Variants in CDH8 observed in about 807,000 individuals in gnomAD.
The protein encoded by CDH8 is cadherin 8, also known as cadherin-8.
In CDH8, 17 loss-of-function variants were observed where a neutral mutation model predicts 68.1. That is an observed-to-expected ratio of 0.25 (90% CI 0.17 to 0.37). The LOEUF is 0.37. CDH8 is among the 10% of genes least tolerant of loss of function. The probability of loss-of-function intolerance (pLI) is 1.00; values close to 1 mark genes in which losing one functional copy is unlikely to be tolerated. For missense variants in CDH8, 763 were observed against 999.3 expected, an observed-to-expected ratio of 0.76 and a Z score of 3.19; for synonymous variants, 372 against 365.1, an observed-to-expected ratio of 1.02 and a Z score of -0.21.
At chr16:61,687,950 AAGT>A (rs1294429889) in intron 10 of CDH8, among the ~76,000 whole-genome samples, 1 of 152,056 alleles carries the variant, frequency 6.6e-6, no homozygotes, top group Non-Finnish European at 1.5e-5. Context: ...AAGGTGAGGA[AAGT>A]CATCAGCATC....
intron 10 of CDH8, 150 bp from the exon 11 acceptor site, chr16:61,655,871 C>CA (rs1306777408): frequency 4.7e-6 from 3 of 637,958 alleles, no homozygotes; most frequent in Non-Finnish European, 7.8e-6. Flanking sequence ...CTCGTCTCCG[C>CA]ACTTTTTTTT....
At chr16:62,015,604 A>C (rs1901920198) in intron 2 of CDH8, among the ~76,000 whole-genome samples, 3 of 152,158 alleles carry the variant, frequency 2.0e-5, no homozygotes, top group Admixed American at 2.0e-4. Flanking sequence ...GACACAAGAG[A>C]CTTTAAGCCT....
chr16:61,802,075 C>T (rs557085193), intron 7 of CDH8, among the ~76,000 whole-genome samples: 1,684 of 143,240 alleles, frequency 0.012, 8 homozygotes, highest in Middle Eastern at 0.014. Flanking sequence ...TGTCTGACAG[C>T]TTTGAAGAGA....
chr16:61,997,782 AC>A (rs1385203072), intron 2 of CDH8, among the ~76,000 whole-genome samples: 9 of 152,286 alleles, frequency 5.9e-5, no homozygotes, highest in Middle Eastern at 3.4e-3. Flanking sequence ...AAAACGCCTA[AC>A]TTGTAGTACT....
chr16:61,647,597 C>A lies in CDH8; in HGVS notation c.*6011G>T. 1 of 542,014 alleles carries A rather than the reference C, an allele frequency of 1.8e-6. No homozygotes were observed. The highest frequency in any genetic ancestry group is 3.3e-6 in the Non-Finnish European group (1 of 305,772). 33.6% of individuals were successfully genotyped at this position (542,014 alleles called of 1,614,324 possible). ...GTTCTTTGCATGTACAGAAGAAATC[C>A]CAAGAAATTAACATTTGGCTTTGGG... is the stretch of plus-strand genomic sequence containing the variant. On this transcript the variant is annotated 3_prime_UTR_variant, in exon 12 of 12. Coordinates refer to ENST00000577390, the MANE Select transcript of CDH8 (RefSeq NM_001796.5).
intron 2 of CDH8, among the ~76,000 whole-genome samples, chr16:61,996,598 T>C (rs959627497): frequency 6.6e-6 from 1 of 152,144 alleles, no homozygotes; most frequent in Non-Finnish European, 1.5e-5. Flanking sequence ...GATAAGATGG[T>C]CACCAAGAAA....
chr16:61,950,550 G>A (rs955774429), intron 2 of CDH8, among the ~76,000 whole-genome samples: 6 of 152,220 alleles, frequency 3.9e-5, no homozygotes, highest in Middle Eastern at 3.4e-3. Flanking sequence ...AAAGAACTAC[G>A]GTGTCAAGAT....
intron 2 of CDH8, among the ~76,000 whole-genome samples, chr16:61,972,189 C>G (rs1309987582): frequency 1.3e-5 from 2 of 152,096 alleles, no homozygotes; most frequent in African/African-American, 4.8e-5. Context: ...TGCCTGCCAC[C>G]ATGTAAGATG....
At chr16:61,954,467 C>T (rs780132791) in intron 2 of CDH8, among the ~76,000 whole-genome samples, 5 of 151,812 alleles carry the variant, frequency 3.3e-5, no homozygotes, top group East Asian at 3.9e-4. Context: ...TTTGGGAGGC[C>T]GAGGCGGGTG....
At chr16:61,792,132 GT>G (rs1466387781) in intron 7 of CDH8, among the ~76,000 whole-genome samples, 1 of 151,938 alleles carries the variant, frequency 6.6e-6, no homozygotes, top group Non-Finnish European at 1.5e-5. Flanking sequence ...TTAAAAAAAT[GT>G]GTGTTATTTA....
At chr16:61,678,697 C>CA (rs1408465230) in intron 10 of CDH8, among the ~76,000 whole-genome samples, 2 of 152,090 alleles carry the variant, frequency 1.3e-5, no homozygotes, top group African/African-American at 4.8e-5. Context: ...GCTACAGTAA[C>CA]AAAAATAGCA....
At position 62,004,569 on chromosome 16, in the gene CDH8, C is replaced by T. The variant is rs531252683; in HGVS notation, c.252+16583G>A. Reference sequence around the variant, plus strand: ...AAAAAGGTAGAAGCTGTGTTGAAAACTTGCTAATGGTTTCAGAAATGTATC... The same window carrying T: ...AAAAAGGTAGAAGCTGTGTTGAAAATTTGCTAATGGTTTCAGAAATGTATC... On this transcript the variant is annotated intron_variant, in intron 2 of 11. Transcript: ENST00000577390. 3.0e-4 allele frequency among the ~76,000 whole-genome samples: 45 copies of T among 152,278 alleles called. No homozygotes were observed. In the Middle Eastern group the frequency reaches 0.01, roughly 35 times the overall value.
At chr16:61,777,947 C>T (rs1960942942) in intron 8 of CDH8, among the ~76,000 whole-genome samples, 1 of 152,084 alleles carries the variant, frequency 6.6e-6, no homozygotes, top group Non-Finnish European at 1.5e-5. Context: ...CACTGTATTT[C>T]TCTTTGCTAA....
intron 2 of CDH8, among the ~76,000 whole-genome samples, chr16:61,930,139 T>C (rs1264857343): frequency 1.3e-5 from 2 of 152,116 alleles, no homozygotes; most frequent in African/African-American, 4.8e-5. Context: ...TACTTACTTA[T>C]ATTTGTATTA....
chr16:61,867,249 G>A (rs1315363813), intron 3 of CDH8, among the ~76,000 whole-genome samples: 1 of 152,056 alleles, frequency 6.6e-6, no homozygotes, highest in East Asian at 1.9e-4. Context: ...TAGCTAAAAT[G>A]GAAGTAAATT....
intron 1 of CDH8, among the ~76,000 whole-genome samples, chr16:62,034,192 A>AAC (rs71134383): frequency 0.46 from 67,117 of 147,042 alleles, 15,301 homozygotes; most frequent in African/African-American, 0.55. Context: ...CTCTCTCTCA[A>AAC]ACACACACAC....
chr16:61,782,829 A>C (rs932991390), intron 8 of CDH8, among the ~76,000 whole-genome samples: 54 of 152,148 alleles, frequency 3.5e-4, no homozygotes, highest in Non-Finnish European at 7.1e-4. Flanking sequence ...GCAGGGGCAC[A>C]CTGACACCTC....
intron 7 of CDH8, among the ~76,000 whole-genome samples, chr16:61,790,254 T>A (rs191444441): frequency 3.7e-4 from 57 of 152,160 alleles, no homozygotes; most frequent in Non-Finnish European, 1.6e-4. Flanking sequence ...AGCAAACTGC[T>A]TCTCAGGACC....
At chr16:61,898,911 A>AT (rs5817323) in intron 3 of CDH8, among the ~76,000 whole-genome samples, 8 of 150,934 alleles carry the variant, frequency 5.3e-5, no homozygotes, top group Admixed American at 1.3e-4. Context: ...AATTAGTTTG[A>AT]TTTTTTTTTT....
Sources: gnomAD v4.1 joint callset for allele counts (sites outside exome capture counted in the v4.1 genomes callset) on GRCh38, gnomAD v4.1.1 for gene constraint, MANE v1.5 for transcripts, NCBI Gene and HGNC (gene_info 2026-07-23, HGNC 2026-07-21) for gene names.